FBXL17: variants seen among roughly 807,000 people sequenced by gnomAD.
The protein encoded by FBXL17 is F-box/LRR-repeat protein 17.
In FBXL17, 22 loss-of-function variants were observed where a neutral mutation model predicts 66.2. That is an observed-to-expected ratio of 0.33 (90% CI 0.24 to 0.47). FBXL17 has a LOEUF of 0.47. FBXL17 is among the 20% of genes least tolerant of loss of function. The pLI, the probability that FBXL17 is intolerant of heterozygous loss-of-function variation, is 1.00. For missense variants in FBXL17, 878 were observed against 948.2 expected (o/e 0.93, Z 0.97); for synonymous variants, 474 against 400.5 (o/e 1.18, Z -2.19).
At chr5:108,143,995 G>A (rs1322820546) in intron 6 of FBXL17, among the ~76,000 whole-genome samples, 1 of 151,830 alleles carries the variant, frequency 6.6e-6, no homozygotes, top group African/African-American at 2.4e-5. Flanking sequence ...AGCTATCATA[G>A]CATCTCCTTA....
At chr5:108,191,796 A>T (rs185830829) in intron 5 of FBXL17, among the ~76,000 whole-genome samples, 1 of 152,300 alleles carries the variant, frequency 6.6e-6, no homozygotes, top group East Asian at 1.9e-4. Flanking sequence ...TAAATAAAAC[A>T]TTTCTCACTC....
chr5:108,378,782 G>A (rs1003996417), intron 1 of FBXL17, among the ~76,000 whole-genome samples: 1 of 152,238 alleles, frequency 6.6e-6, no homozygotes, highest in Non-Finnish European at 1.5e-5. Context: ...GCCAGACACT[G>A]CACTTAAAGG....
chr5:108,152,953 C>A (rs950817012), intron 6 of FBXL17, among the ~76,000 whole-genome samples: 1 of 152,130 alleles, frequency 6.6e-6, no homozygotes, highest in African/African-American at 2.4e-5. Flanking sequence ...TGGGAGGTAA[C>A]TGAATCATGA....
intron 4 of FBXL17, among the ~76,000 whole-genome samples, chr5:108,234,837 T>A (rs1461017978): frequency 3.3e-5 from 5 of 152,022 alleles, no homozygotes; most frequent in Non-Finnish European, 5.9e-5. Flanking sequence ...GTAACTGGAA[T>A]CCAAGGAAGC....
At chr5:108,373,472 A>G (rs191117800) in intron 1 of FBXL17, among the ~76,000 whole-genome samples, 2 of 150,090 alleles carry the variant, frequency 1.3e-5, no homozygotes, top group Admixed American at 1.3e-4. Flanking sequence ...ATGGTACACT[A>G]GAAAATATCT....
intron 2 of FBXL17, 137 bp downstream of exon 2, chr5:108,367,694 C>A (rs1748756359): frequency 2.9e-6 from 2 of 683,898 alleles, no homozygotes; most frequent in Non-Finnish European, 4.4e-6. Context: ...ACACAAAAAA[C>A]TACAGAAGCA....
intron 7 of FBXL17, among the ~76,000 whole-genome samples, chr5:108,019,087 T>C (rs1754488897): frequency 6.6e-6 from 1 of 152,156 alleles, no homozygotes. Flanking sequence ...GTGAATCTTG[T>C]TTTTATCCCA....
At chr5:108,360,479 G>A (rs1046050421) in intron 3 of FBXL17, among the ~76,000 whole-genome samples, 3 of 152,046 alleles carry the variant, frequency 2.0e-5, no homozygotes, top group Non-Finnish European at 2.9e-5. Context: ...AGGAGTGCTT[G>A]TATGTGATGA....
chr5:108,249,448 C>A (rs2150111264), intron 4 of FBXL17, among the ~76,000 whole-genome samples: 1 of 152,194 alleles, frequency 6.6e-6, no homozygotes, highest in Non-Finnish European at 1.5e-5. Context: ...TCATTCTGTA[C>A]CAACATATTA....
At chr5:108,374,887 A>T (rs1448388404) in intron 1 of FBXL17, among the ~76,000 whole-genome samples, 1 of 152,206 alleles carries the variant, frequency 6.6e-6, no homozygotes, top group African/African-American at 2.4e-5. Context: ...AAGTAACTAC[A>T]TTTAAAAAGA....
intron 6 of FBXL17, among the ~76,000 whole-genome samples, chr5:108,060,724 C>A (rs115917784): frequency 6.6e-5 from 10 of 152,078 alleles, no homozygotes; most frequent in South Asian, 2.1e-4. Flanking sequence ...TCCATCCCCC[C>A]CTCCCACACA....
chr5:108,232,794 T>TATATATATATATATATATA (rs1294290778), intron 4 of FBXL17, among the ~76,000 whole-genome samples: 1 of 124,840 alleles, frequency 8.0e-6, no homozygotes, highest in African/African-American at 3.2e-5. Flanking sequence ...TATATATATA[T>TATATATATATATATATATA]ATATATATAT....
intron 7 of FBXL17, among the ~76,000 whole-genome samples, chr5:107,960,524 TACTTTAGATTTCA>T (rs1225615763): frequency 4.5e-4 from 68 of 152,272 alleles, no homozygotes; most frequent in Non-Finnish European, 7.5e-4. Flanking sequence ...TTTAGATTTC[TACTTTAGATTTCA>T]ACTTTAGATT....
At chr5:108,284,226 T>G (rs775062246) in intron 4 of FBXL17, among the ~76,000 whole-genome samples, 3 of 151,884 alleles carry the variant, frequency 2.0e-5, no homozygotes, top group Non-Finnish European at 4.4e-5. Context: ...ATATCTGCAT[T>G]CATAAGTTTA....
chr5:108,311,586 C>A (rs924795269), intron 4 of FBXL17, among the ~76,000 whole-genome samples: 2 of 152,032 alleles, frequency 1.3e-5, no homozygotes, highest in Non-Finnish European at 2.9e-5. Context: ...CTCTGAAATC[C>A]CAAAGATCCA....
chr5:108,376,070 T>C (rs1156330475), intron 1 of FBXL17, among the ~76,000 whole-genome samples: 2 of 152,240 alleles, frequency 1.3e-5, no homozygotes, highest in East Asian at 1.9e-4. Context: ...CTGGACAAAA[T>C]CTAATACCCT....
chr5:107,971,527 CTGATAAAGTTCT>C (rs2112650119), intron 7 of FBXL17, among the ~76,000 whole-genome samples: 1 of 152,042 alleles, frequency 6.6e-6, no homozygotes, highest in East Asian at 1.9e-4. Context: ...GTATGTGTTC[CTGATAAAGTTCT>C]TGAGTGTTCG....
At chr5:108,195,526 T>C (rs534977329) in intron 5 of FBXL17, among the ~76,000 whole-genome samples, 2 of 152,274 alleles carry the variant, frequency 1.3e-5, no homozygotes, top group South Asian at 4.1e-4. Flanking sequence ...TAGGGTCTTG[T>C]GGGTCCTGTA....
Position 107,923,485 on chromosome 5 carries a change from C to T in FBXL17, c.1823-42306G>A, listed in dbSNP as rs118130576. On this transcript the variant is annotated intron_variant, in intron 7 of 8. Coordinates refer to ENST00000542267, the MANE Select transcript of FBXL17 (RefSeq NM_001163315.3). ...TTAACTCCTAAATACTTCCCAAATA[C>T]AGTTCCACAGCTGCCTGGCACAATG... 6.6e-4 allele frequency among the ~76,000 whole-genome samples: 100 copies of T among 152,254 alleles called. 1 individual carries two copies. The East Asian group carries it at 0.011, about 17-fold the overall frequency.
Sources: gnomAD v4.1 joint callset for allele counts (sites outside exome capture counted in the v4.1 genomes callset) on GRCh38, gnomAD v4.1.1 for gene constraint, MANE v1.5 for transcripts, NCBI Gene and HGNC (gene_info 2026-07-23, HGNC 2026-07-21) for gene names.